The following KLHL26 variants were observed in gnomAD, a reference collection of about 807,000 sequenced individuals.
KLHL26 encodes the protein kelch like family member 26, also known as kelch-like protein 26.
KLHL26 carries 4 observed loss-of-function variants against 7.1 expected under a neutral mutation model. That is an observed-to-expected ratio of 0.56 (90% confidence interval 0.28 to 1.28). KLHL26 has a LOEUF of 1.28. Among genes scored for constraint, KLHL26 ranks in the 50% most tolerant of loss-of-function variants. The probability of loss-of-function intolerance (pLI) is 0.11; values close to 1 mark genes in which losing one functional copy is unlikely to be tolerated. For synonymous variants in KLHL26, 465 were observed against 414.1 expected, an observed-to-expected ratio of 1.12 and a Z score of -1.49; for missense variants, 896 against 924.6, an observed-to-expected ratio of 0.97 and a Z score of 0.40.
In KLHL26 at chr19:18,648,807, C is replaced by T. The variant is rs921598735; in HGVS notation, c.83+11670C>T. ...TAGCATCTCTTGTGGGTTCCACCTT[C>T]GAGCCACAGCCTGGAGCCAGCTCCT... On this transcript the variant is annotated intron_variant, in intron 1 of 2. Coordinates refer to ENST00000300976, the MANE Select transcript of KLHL26 (RefSeq NM_018316.3). The surrounding 1 kb of genome is among the most constrained non-coding windows in gnomAD (Gnocchi z 4.9). Among the ~76,000 whole-genome samples the T allele has an allele frequency of 2.1e-4, 32 of 152,104 alleles. No homozygotes were observed. The highest frequency in any genetic ancestry group is 1.5e-4 in the Non-Finnish European group (10 of 68,016).
chr19:18,651,472 G>T (rs895179720), intron 1 of KLHL26, among the ~76,000 whole-genome samples: 1 of 152,382 alleles, frequency 6.6e-6, no homozygotes, highest in East Asian at 1.9e-4. Flanking sequence ...AGAAGAGGAG[G>T]TTCCAGAGGA....
Position 18,668,197 on chromosome 19 carries a change from C to G in KLHL26, c.800C>G (p.Thr267Arg), listed in dbSNP as rs765271368. 4 of 1,611,438 alleles carry G rather than the reference C, an allele frequency of 2.5e-6. No individual in the cohort carries two copies. The African/African-American group carries it at 4.0e-5, about 16-fold the overall frequency. The change falls in exon 3 of 3, where the codon ACG becomes AGG. Residue 267 changes from threonine to arginine, a missense_variant. Transcript: ENST00000300976. ...TCCGAGCTGGTGGACAGCGTGCAGA[C>G]GCTGGACATCATGGTGGAGGACGTG... ...QSSELVDSVQ[T>R]LDIMVEDVLC...
intron 1 of KLHL26, among the ~76,000 whole-genome samples, chr19:18,652,388 G>A (rs1215026880): frequency 1.3e-5 from 2 of 152,000 alleles, no homozygotes; most frequent in African/African-American, 2.4e-5. Flanking sequence ...CCGAGAGTTC[G>A]AGACCAGCCT....
intron 1 of KLHL26, among the ~76,000 whole-genome samples, chr19:18,652,142 C>T (rs1263041047): frequency 6.6e-6 from 1 of 152,094 alleles, no homozygotes; most frequent in Admixed American, 6.5e-5. Context: ...GTTGGCCACT[C>T]AGCACAGAGC....
chr19:18,652,463 G>A (rs564953387), intron 1 of KLHL26, among the ~76,000 whole-genome samples: 1 of 151,884 alleles, frequency 6.6e-6, no homozygotes, highest in African/African-American at 2.4e-5. Flanking sequence ...GGTAGTGGGC[G>A]CCTATAGTCC....
At chr19:18,661,256 C>A (rs1260240127) in intron 1 of KLHL26, among the ~76,000 whole-genome samples, 1 of 152,110 alleles carries the variant, frequency 6.6e-6, no homozygotes, top group Non-Finnish European at 1.5e-5. Flanking sequence ...ACTGATCCTG[C>A]CTTCTGGGTT....
chr19:18,647,623 G>T (rs773709256), intron 1 of KLHL26, among the ~76,000 whole-genome samples: 1 of 151,240 alleles, frequency 6.6e-6, no homozygotes, highest in Non-Finnish European at 1.5e-5. Flanking sequence ...AGAGGAGGAA[G>T]AGGAGGAGGA....
rs551045233 is a variant in KLHL26 at position 18,654,248 on chromosome 19, A to T, written c.84-10013A>T. Among the ~76,000 whole-genome samples, 11 of 123,376 alleles carry T rather than the reference A, an allele frequency of 8.9e-5. No individual in the cohort carries two copies. In the Admixed American group the frequency reaches 9.7e-4, roughly 11 times the overall value. 80.9% of individuals were successfully genotyped at this position (123,376 alleles called of 152,430 possible). On this transcript the variant is annotated intron_variant, in intron 1 of 2. Coordinates refer to ENST00000300976, the MANE Select transcript of KLHL26 (RefSeq NM_018316.3). The stretch of plus-strand genomic sequence containing the variant: ...TGCCCTTCCATCCACTCATCCATTA[A>T]CTCATCTACTGCCCATCCAGGCACC...
In KLHL26 at chr19:18,646,969, G is replaced by A. The variant is rs957932675; in HGVS notation, c.83+9832G>A. 1.3e-5 allele frequency among the ~76,000 whole-genome samples: 2 copies of A among 151,946 alleles called. No homozygotes were observed. The highest frequency in any genetic ancestry group is 1.5e-5 in the Non-Finnish European group (1 of 67,910). On this transcript the variant is annotated intron_variant, in intron 1 of 2. Coordinates refer to ENST00000300976, the MANE Select transcript of KLHL26 (RefSeq NM_018316.3). This position sits in a 1 kb window ranked among gnomAD's most constrained non-coding sequence, Gnocchi z 5.0. ...AGCTCGGCAGGGCGGGGGCAGGGGC[G>A]GCGGGGGGTGGCGCGTCTCAGCAGG...
rs1568456796 is a variant in KLHL26, at chr19:18,649,931, GCT to G, written c.83+12797_83+12798del. On this transcript the variant is annotated intron_variant, in intron 1 of 2. Coordinates refer to ENST00000300976, the MANE Select transcript of KLHL26 (RefSeq NM_018316.3). This position sits in a 1 kb window ranked among gnomAD's most constrained non-coding sequence, Gnocchi z 4.0. The stretch of plus-strand genomic sequence containing the variant: ...TCACTGCGCAGCGGAGTGCCTGATC[GCT>G]CTGTGTGCACCACCACGGTGCACAC... 6.6e-6 allele frequency among the ~76,000 whole-genome samples: 1 copy of G among 152,190 alleles called. No individual in the cohort carries two copies. Among genetic ancestry groups the G allele is most frequent in the African/African-American group, 2.4e-5 (1 of 41,438 alleles).
In KLHL26 at chr19:18,668,431, C is replaced by T. The variant is rs781312871; in HGVS notation, c.1034C>T (p.Thr345Met). ...EPGARHFREL[T>M]EMEVGCSHTC... ...GGAGCCCGCCACTTCCGCGAGCTCA[C>T]GGAGATGGAGGTAGGCTGCAGCCAC... The change falls in exon 3 of 3, where the codon ACG (threonine) becomes ATG (methionine). Residue 345 changes from threonine (T) to methionine (M), a missense_variant. Physicochemically the swap from Thr to Met is moderately conservative, Grantham distance 81. Transcript: ENST00000300976. The T allele has an allele frequency of 1.2e-5, 20 of 1,611,252 alleles. No homozygotes were observed. Among genetic ancestry groups the T allele is most frequent in the South Asian group, 5.5e-5 (5 of 91,072 alleles).
At chr19:18,647,860 C>T (rs1976833447) in intron 1 of KLHL26, among the ~76,000 whole-genome samples, 1 of 152,246 alleles carries the variant, frequency 6.6e-6, no homozygotes, top group African/African-American at 2.4e-5. Flanking sequence ...AGACACATTT[C>T]TCTGCCTTTG....
In KLHL26 at chr19:18,646,498, G is replaced by C. The variant is rs10423102; in HGVS notation, c.83+9361G>C. Among the ~76,000 whole-genome samples the C allele has an allele frequency of 0.47, 71,717 of 152,120 alleles. 17,677 individuals carry two copies. Among genetic ancestry groups the C allele is most frequent in the African/African-American group, 0.62 (25,710 of 41,488 alleles). On this transcript the variant is annotated intron_variant, in intron 1 of 2. Transcript: ENST00000300976. This position sits in a 1 kb window ranked among gnomAD's most constrained non-coding sequence, Gnocchi z 5.0. ...GTCCTTCTCCTGGAAAATGTGGTCA[G>C]ATATGGCGGCATGAGGTGTCTCATC...
In KLHL26 at chr19:18,637,109, G is replaced by GCGGGCC. The variant is rs1976632772; in HGVS notation, c.63_68dup (p.Gly22_Pro23dup). On this transcript the variant is annotated inframe_insertion, in exon 1 of 3. Coordinates refer to ENST00000300976, the MANE Select transcript of KLHL26 (RefSeq NM_018316.3). Reference sequence around the variant, plus strand: ...TGCTGGTGGCGGCGGCGCTTTCGGCGCGGGCCCGGGCCCCGAGCGCCCGAA... The same window carrying GCGGGCC: ...TGCTGGTGGCGGCGGCGCTTTCGGCGCGGGCCCGGGCCCGGGCCCCGAGCGCCCGAA... 4 of 1,368,568 alleles carry GCGGGCC rather than the reference G, an allele frequency of 2.9e-6. No homozygotes were observed. The highest frequency in any genetic ancestry group is 9.4e-7 in the Non-Finnish European group (1 of 1,061,510). The allele number at this position is 1,368,568 out of a possible 1,614,324, so 84.8% of individuals were successfully genotyped here.
intron 1 of KLHL26, among the ~76,000 whole-genome samples, chr19:18,660,745 TGGGTTTGGCTTCACA>T (rs2052384400): frequency 6.6e-6 from 1 of 151,506 alleles, no homozygotes. Flanking sequence ...TGCAGTGGGG[TGGGTTTGGCTTCACA>T]GGGGCGGCAG....
chr19:18,637,476 C>T (rs1485993629), intron 1 of KLHL26, among the ~76,000 whole-genome samples: 1 of 151,888 alleles, frequency 6.6e-6, no homozygotes, highest in Non-Finnish European at 1.5e-5. Context: ...CAGAGAGGGC[C>T]TGAGCAGGGG....
intron 2 of KLHL26, among the ~76,000 whole-genome samples, chr19:18,665,716 C>G (rs1356785430): frequency 6.6e-6 from 1 of 152,194 alleles, no homozygotes; most frequent in Non-Finnish European, 1.5e-5. Flanking sequence ...GTGGGGGGTG[C>G]TTTCTCCTCG....
In KLHL26 at chr19:18,650,826, G is replaced by A. The variant is rs146229715; in HGVS notation, c.84-13435G>A. ...GCCGTCTGTCTCGTCACAGACAGGCGGGGCTGCGGCTGGGGATGGCCGCCG... is the reference window on the plus strand; with the variant it reads ...GCCGTCTGTCTCGTCACAGACAGGCAGGGCTGCGGCTGGGGATGGCCGCCG... On this transcript the variant is annotated intron_variant, in intron 1 of 2. Coordinates refer to ENST00000300976, the MANE Select transcript of KLHL26 (RefSeq NM_018316.3). The surrounding 1 kb of genome is among the most constrained non-coding windows in gnomAD (Gnocchi z 4.2). Among the ~76,000 whole-genome samples, 734 of 152,292 alleles carry A rather than the reference G, an allele frequency of 4.8e-3. 1 individual carries two copies. The highest frequency in any genetic ancestry group is 7.5e-3 in the Non-Finnish European group (512 of 68,000).
At position 18,670,037 on chromosome 19, in the gene KLHL26, TC is replaced by T. The variant is rs2052510262; in HGVS notation, c.*796del. ...TACATTTGCCCTGTTGGCCAGGCAG[TC>T]CCCTTCCCGCAATTGGAGGGCGACG... On this transcript the variant is annotated 3_prime_UTR_variant, in exon 3 of 3. Coordinates refer to ENST00000300976, the MANE Select transcript of KLHL26 (RefSeq NM_018316.3). 6.6e-6 allele frequency: 1 copy of T among 152,216 alleles called. No individual in the cohort carries two copies. The highest frequency in any genetic ancestry group is 2.4e-5 in the African/African-American group (1 of 41,442). The allele number at this position is 152,216 out of a possible 1,614,324, so 9.4% of individuals were successfully genotyped here. A position where few individuals can be genotyped will look rare whatever the true frequency, so the allele number is the denominator to read the frequency against.
Sources: allele counts gnomAD v4.1 joint callset (sites outside exome capture counted in the v4.1 genomes callset), GRCh38; gene constraint gnomAD v4.1.1; non-coding constraint Gnocchi (gnomAD v3.1); transcripts MANE v1.5; gene names NCBI Gene and HGNC (gene_info 2026-07-23, HGNC 2026-07-21).